The following HAUS3 variants were observed in gnomAD, a reference collection of about 807,000 sequenced individuals.
HAUS3 encodes HAUS augmin-like complex subunit 3.
HAUS3 carries 36 observed loss-of-function variants against 55.2 expected under a neutral mutation model. The observed-to-expected ratio is 0.65, with a 90% confidence interval of 0.50 to 0.86. The LOEUF is 0.86. Ranked by LOEUF, HAUS3 falls within the 40% of genes least tolerant of loss-of-function variation. HAUS3 has a pLI of 0.00. For synonymous variants in HAUS3, 234 were observed against 238.6 expected, an observed-to-expected ratio of 0.98 and a Z score of 0.18; for missense variants, 752 against 671.5, an observed-to-expected ratio of 1.12 and a Z score of -1.33.
rs1479801870 is a variant in HAUS3 at position 2,240,664 on chromosome 4, C to T, written c.283G>A (p.Asp95Asn). 1 of 1,613,966 alleles carries T rather than the reference C, an allele frequency of 6.2e-7. No homozygotes were observed. The highest frequency in any genetic ancestry group is 8.5e-7 in the Non-Finnish European group (1 of 1,179,982). Residue 95 changes from aspartate to asparagine, a missense_variant, in exon 3 of 6, where the codon GAT becomes AAT. Asp to Asn is a conservative substitution (Grantham distance 23). Coordinates refer to ENST00000443786, the MANE Select transcript of HAUS3 (RefSeq NM_001303143.2). The stretch of plus-strand genomic sequence containing the variant: ...TCTAATTTCTCCAGCTCTTTATCAT[C>T]CAGTCTAGGTGTCTTCAAATCAGAA... ...KTSDLKTPRL[D>N]DKELEKLEDE...
In HAUS3 at chr4:2,240,139, T is replaced by C. The variant is rs561688940; in HGVS notation, c.808A>G (p.Ile270Val). The change falls in exon 3 of 6, where the codon ATT becomes GTT. Residue 270 changes from isoleucine to valine, a missense_variant. Transcript: ENST00000443786. ...TGAATTAACTGATGTTGAGCACAAA[T>C]GTATGCGAGCTGCAGTCTAGCCATC... ...LEMARLQLAY[I>V]CAQHQLIHLK... 4 of 1,613,926 alleles carry C rather than the reference T, an allele frequency of 2.5e-6. No homozygotes were observed. In the East Asian group the frequency reaches 6.7e-5, roughly 27 times the overall value.
rs1252477997 is a variant in HAUS3 at position 2,228,560 on chromosome 4, A to T, written c.*3367T>A. 1 of 174,918 alleles carries T rather than the reference A, an allele frequency of 5.7e-6. No individual in the cohort carries two copies. Among genetic ancestry groups the T allele is most frequent in the Non-Finnish European group, 1.2e-5 (1 of 80,730 alleles). The allele number at this position is 174,918 out of a possible 1,614,324, so 10.8% of individuals were successfully genotyped here. On this transcript the variant is annotated 3_prime_UTR_variant, in exon 6 of 6. Transcript: ENST00000443786. The stretch of plus-strand genomic sequence containing the variant: ...TACCGTGTTAGCCAGGATGGTCTCG[A>T]TCTCCTGACCTCATGATCGCCGACC...
rs1313437902 is a variant in HAUS3, at chr4:2,241,678, C to T, written c.-306G>A. ...CCCCGACGCCAGGGCCGCGCGAACC[C>T]CAGAGGCAGCGGCAAGCCCCAGGGA... On this transcript the variant is annotated 5_prime_UTR_variant, in exon 2 of 6. Coordinates refer to ENST00000443786, the MANE Select transcript of HAUS3 (RefSeq NM_001303143.2). 1 of 985,392 alleles carries T rather than the reference C, an allele frequency of 1.0e-6. No individual in the cohort carries two copies. Among genetic ancestry groups the T allele is most frequent in the African/African-American group, 1.7e-5 (1 of 57,250 alleles). The allele number at this position is 985,392 out of a possible 1,614,324, so 61.0% of individuals were successfully genotyped here.
chr4:2,233,991 A>G (rs1316442551), intron 5 of HAUS3, among the ~76,000 whole-genome samples: 1 of 152,210 alleles, frequency 6.6e-6, no homozygotes, highest in Non-Finnish European at 1.5e-5. Context: ...ATCCAGATGA[A>G]AGTATCCAAC....
chr4:2,240,588 C>A lies in HAUS3; in HGVS notation c.359G>T (p.Arg120Leu), dbSNP rs760662072. ...TGAAGCCATCAATTGACATTTATTA[C>A]GTCGCTGAATTTTTAGGTTCTTTAA... ...LKLKNLKIQR[R>L]NKCQLMASVT... Residue 120 changes from arginine (R) to leucine (L), a missense_variant, in exon 3 of 6, where the codon CGT (arginine) becomes CTT (leucine). By Grantham distance (102) the Arg-to-Leu change is moderately radical (BLOSUM62 -2). Coordinates refer to ENST00000443786, the MANE Select transcript of HAUS3 (RefSeq NM_001303143.2). 1.2e-5 allele frequency: 19 copies of A among 1,612,536 alleles called. No individual in the cohort carries two copies. Among genetic ancestry groups the A allele is most frequent in the Middle Eastern group, 3.3e-4 (2 of 6,078 alleles).
chr4:2,231,997 T>C lies in HAUS3; in HGVS notation c.1742A>G (p.Asp581Gly), dbSNP rs1734596844. The change falls in exon 6 of 6, where the codon GAT becomes GGT. Residue 581 changes from aspartate to glycine, a missense_variant. Asp to Gly is a moderately conservative substitution (Grantham distance 94). Coordinates refer to ENST00000443786, the MANE Select transcript of HAUS3 (RefSeq NM_001303143.2). The part of the protein sequence containing the change: ...EFYVYFLKDE[D>G]YLKDIVENLE... ...ATTCTCCACAATATCTTTCAGATAA[T>C]CTTCATCTTTTAAAAAATATACATA... The C allele has an allele frequency of 6.7e-7, 1 of 1,496,102 alleles. No individual in the cohort carries two copies. The highest frequency in any genetic ancestry group is 2.3e-5 in the East Asian group (1 of 43,928). 92.7% of individuals were successfully genotyped at this position (1,496,102 alleles called of 1,614,324 possible).
chr4:2,235,301 C>T (rs1734722283), intron 5 of HAUS3, among the ~76,000 whole-genome samples: 1 of 152,188 alleles, frequency 6.6e-6, no homozygotes, highest in African/African-American at 2.4e-5. Flanking sequence ...TAATGGGAGA[C>T]CTTTCAAAAA....
In HAUS3 at chr4:2,238,626, T is replaced by C; in HGVS notation, c.1327A>G (p.Thr443Ala). Residue 443 changes from threonine to alanine, a missense_variant, in exon 4 of 6, where the codon ACT becomes GCT. By Grantham distance (58) the Thr-to-Ala change is moderately conservative (BLOSUM62 0). Transcript: ENST00000443786. ...QQINPRNTID[T>A]KDYSTHRLYQ... ...TACCTATGAGTAGAATAATCCTTAG[T>C]ATCAATGGTATTCCTTGGATTTATC... 1 of 1,602,618 alleles carries C rather than the reference T, an allele frequency of 6.2e-7. No individual in the cohort carries two copies. Among genetic ancestry groups the C allele is most frequent in the Non-Finnish European group, 8.5e-7 (1 of 1,171,366 alleles).
Position 2,242,065 on chromosome 4 carries a change from CTTGCTT to C in HAUS3, c.-439_-434del, listed in dbSNP as rs969504404. On this transcript the variant is annotated 5_prime_UTR_variant, in exon 1 of 6. Transcript: ENST00000443786. ...GCGTCAGTCACCTCAGGAAGTTCCG[CTTGCTT>C]CTCGCAGGAGCCCGCCGCCACCGCC... is the stretch of plus-strand genomic sequence containing the variant. The C allele has an allele frequency of 2.0e-6, 2 of 985,638 alleles. No individual in the cohort carries two copies. The highest frequency in any genetic ancestry group is 3.5e-5 in the African/African-American group (2 of 57,258). 61.1% of individuals were successfully genotyped at this position (985,638 alleles called of 1,614,324 possible). A position where few individuals can be genotyped will look rare whatever the true frequency, so the allele number is the denominator to read the frequency against.
Position 2,241,584 on chromosome 4 carries a change from G to C in HAUS3, c.-212C>G. ...ACCACCGCGACGCGGAGAACAGCAG[G>C]AGCAGCAGGGAAGCGCGCGGCCACA... is the stretch of plus-strand genomic sequence containing the variant. On this transcript the variant is annotated 5_prime_UTR_variant, in exon 2 of 6. Coordinates refer to ENST00000443786, the MANE Select transcript of HAUS3 (RefSeq NM_001303143.2). 7 of 985,732 alleles carry C rather than the reference G, an allele frequency of 7.1e-6. No individual in the cohort carries two copies. The highest frequency in any genetic ancestry group is 8.4e-6 in the Non-Finnish European group (7 of 830,172). The allele number at this position is 985,732 out of a possible 1,614,324, so 61.1% of individuals were successfully genotyped here.
rs1346711785 is a variant in HAUS3, at chr4:2,240,865, C to CA, written c.81dup (p.Asp28Ter). On this transcript the variant is annotated frameshift_variant, in exon 3 of 6. Coordinates refer to ENST00000443786, the MANE Select transcript of HAUS3 (RefSeq NM_001303143.2). LOFTEE classifies it high-confidence loss of function. Reference sequence around the variant, plus strand: ...TCTTCAACGCCCTCAAACAACCAGTCAAAGTCTTCTCCATTAAGATTATCA... The same window carrying CA: ...TCTTCAACGCCCTCAAACAACCAGTCAAAAGTCTTCTCCATTAAGATTATCA... The CA allele has an allele frequency of 2.5e-6, 4 of 1,612,008 alleles. No individual in the cohort carries two copies. In the African/African-American group the frequency reaches 5.3e-5, roughly 22 times the overall value.
chr4:2,229,110 T>C lies in HAUS3; in HGVS notation c.*2817A>G. On this transcript the variant is annotated 3_prime_UTR_variant, in exon 6 of 6. Transcript: ENST00000443786. ...TAAAAATTACTTACTCTCTGTACTC[T>C]TTCCCCAAGTCTTAGAATCCACTAA... 6.2e-7 allele frequency: 1 copy of C among 1,602,766 alleles called. No homozygotes were observed. Among genetic ancestry groups the C allele is most frequent in the Non-Finnish European group, 8.5e-7 (1 of 1,173,470 alleles).
rs768792471 is a variant in HAUS3, at chr4:2,229,274, C to A, written c.*2653G>T. On this transcript the variant is annotated 3_prime_UTR_variant, in exon 6 of 6. Coordinates refer to ENST00000443786, the MANE Select transcript of HAUS3 (RefSeq NM_001303143.2). Reference sequence around the variant, plus strand: ...TGTAAGATTAACATAAGATAAATCCCATATATTAATCCTAAGACTATAAAA... The same window carrying A: ...TGTAAGATTAACATAAGATAAATCCAATATATTAATCCTAAGACTATAAAA... The A allele has an allele frequency of 7.3e-6, 11 of 1,503,880 alleles. No individual in the cohort carries two copies. The highest frequency in any genetic ancestry group is 2.1e-5 in the Admixed American group (1 of 47,658). The allele number at this position is 1,503,880 out of a possible 1,614,324, so 93.2% of individuals were successfully genotyped here. A position where few individuals can be genotyped will look rare whatever the true frequency, so the allele number is the denominator to read the frequency against.
chr4:2,233,409 T>C (rs1309678733), intron 5 of HAUS3, among the ~76,000 whole-genome samples: 1 of 151,226 alleles, frequency 6.6e-6, no homozygotes, highest in Non-Finnish European at 1.5e-5. Flanking sequence ...TAGAGTGAGA[T>C]TACCATATTT....
At position 2,236,440 on chromosome 4, in the gene HAUS3, C is replaced by T. The variant is rs774671583; in HGVS notation, c.1366G>A (p.Glu456Lys). Residue 456 changes from glutamate (E) to lysine (K), a missense_variant, in exon 5 of 6, where the codon GAG becomes AAG. By Grantham distance (56) the Glu-to-Lys change is moderately conservative. Transcript: ENST00000443786. ...AATTCTTTTTTCTTATTCTCTCCCTCCAAAACTTGGTAAAGCCTGAAATGT... is the reference window on the plus strand; with the variant it reads ...AATTCTTTTTTCTTATTCTCTCCCTTCAAAACTTGGTAAAGCCTGAAATGT... ...YSTHRLYQVL[E>K]GENKKKELFL... is the part of the protein sequence containing the mutation. The T allele has an allele frequency of 1.7e-5, 28 of 1,609,724 alleles. No homozygotes were observed. The highest frequency in any genetic ancestry group is 2.7e-5 in the African/African-American group (2 of 74,774).
At position 2,230,605 on chromosome 4, in the gene HAUS3, T is replaced by A. The variant is rs1439875178; in HGVS notation, c.*1322A>T. 6.6e-6 allele frequency: 1 copy of A among 152,026 alleles called. No homozygotes were observed. The highest frequency in any genetic ancestry group is 2.4e-5 in the African/African-American group (1 of 41,394). 9.4% of individuals were successfully genotyped at this position (152,026 alleles called of 1,614,324 possible). On this transcript the variant is annotated 3_prime_UTR_variant, in exon 6 of 6. Coordinates refer to ENST00000443786, the MANE Select transcript of HAUS3 (RefSeq NM_001303143.2). ...TAATTGGCAAAATATTTTTGTTCAA[T>A]GGGTTTCAAAAATCAAGAAGGTTCA...
chr4:2,240,240 T>A lies in HAUS3; in HGVS notation c.707A>T (p.Asp236Val). ...IHEVVESSNE[D>V]NFQLLDIQTP... is the part of the protein sequence containing the mutation. ...CTGTATATCTAAAAGTTGAAAATTGTCTTCATTTGAACTTTCAACTACTTC... is the reference window on the plus strand; with the variant it reads ...CTGTATATCTAAAAGTTGAAAATTGACTTCATTTGAACTTTCAACTACTTC... Residue 236 changes from aspartate (D) to valine (V), a missense_variant, in exon 3 of 6, where the codon GAC becomes GTC. Coordinates refer to ENST00000443786, the MANE Select transcript of HAUS3 (RefSeq NM_001303143.2). 1.2e-6 allele frequency: 2 copies of A among 1,613,642 alleles called. No individual in the cohort carries two copies. Among genetic ancestry groups the A allele is most frequent in the Non-Finnish European group, 1.7e-6 (2 of 1,179,702 alleles).
In HAUS3 at chr4:2,231,866, A is replaced by G. The variant is rs1734589637; in HGVS notation, c.*61T>C. 1.3e-6 allele frequency: 1 copy of G among 745,352 alleles called. No homozygotes were observed. The highest frequency in any genetic ancestry group is 2.3e-6 in the Non-Finnish European group (1 of 444,436). The allele number at this position is 745,352 out of a possible 1,614,324, so 46.2% of individuals were successfully genotyped here. A position where few individuals can be genotyped will look rare whatever the true frequency, so the allele number is the denominator to read the frequency against. ...TTTTAAAAATTTAGTAGTGTTTATT[A>G]TACACAGTCTTCTAATAAATAAAAG... On this transcript the variant is annotated 3_prime_UTR_variant, in exon 6 of 6. Coordinates refer to ENST00000443786, the MANE Select transcript of HAUS3 (RefSeq NM_001303143.2).
intron 4 of HAUS3, among the ~76,000 whole-genome samples, chr4:2,238,151 T>G (rs1734834199): frequency 6.6e-6 from 1 of 152,200 alleles, no homozygotes; most frequent in South Asian, 2.1e-4. Flanking sequence ...GACATCCAGA[T>G]GAAGCCTGGG....
Sources: allele counts gnomAD v4.1 joint callset (sites outside exome capture counted in the v4.1 genomes callset), GRCh38; gene constraint gnomAD v4.1.1; transcripts MANE v1.5; gene names NCBI Gene and HGNC (gene_info 2026-07-23, HGNC 2026-07-21).